The following SH3PXD2B variants were observed in gnomAD, a reference collection of about 807,000 sequenced individuals.
The protein encoded by SH3PXD2B is SH3 and PX domains 2B, also known as SH3 and PX domain-containing protein 2B.
A neutral mutation model predicts 73.1 loss-of-function variants in SH3PXD2B; 37 were observed. The ratio of observed to expected loss-of-function variants is 0.51; its 90% confidence interval spans 0.39 to 0.67. The LOEUF is 0.67. Among genes scored for constraint, SH3PXD2B ranks in the 30% least tolerant of loss-of-function variants. The pLI, the probability that SH3PXD2B is intolerant of heterozygous loss-of-function variation, is 0.00. For synonymous variants in SH3PXD2B, 457 were observed against 480.5 expected (o/e 0.95, Z 0.64); for missense variants, 1,053 against 1,197.8 (o/e 0.88, Z 1.78).
Position 172,334,544 on chromosome 5 carries a change from G to A in SH3PXD2B, c.*3825C>T, listed in dbSNP as rs1157084170. On this transcript the variant is annotated 3_prime_UTR_variant, in exon 13 of 13. Transcript: ENST00000311601. ...GATAAGACAGCCACACATGGCTCAG[G>A]CTGTTAGGTGTCCACTGTCACAGTC... The A allele has an allele frequency of 9.1e-6, 9 of 985,494 alleles. No individual in the cohort carries two copies. The highest frequency in any genetic ancestry group is 5.2e-4 in the Middle Eastern group (1 of 1,916). 61.0% of individuals were successfully genotyped at this position (985,494 alleles called of 1,614,324 possible).
At chr5:172,378,202 G>A (rs1027568301) in intron 5 of SH3PXD2B, among the ~76,000 whole-genome samples, 1 of 152,178 alleles carries the variant, frequency 6.6e-6, no homozygotes, top group Non-Finnish European at 1.5e-5. Flanking sequence ...AGCTGCCCCT[G>A]GCCTGGCCCT....
At chr5:172,380,988 T>C (rs1189811037) in intron 5 of SH3PXD2B, among the ~76,000 whole-genome samples, 2 of 152,252 alleles carry the variant, frequency 1.3e-5, no homozygotes, top group Non-Finnish European at 2.9e-5. Context: ...TAAATATAAA[T>C]GGCCTGACTT....
At chr5:172,359,387 C>CAAAAAAAAAAAA (rs70982393) in intron 7 of SH3PXD2B, among the ~76,000 whole-genome samples, 5 of 84,076 alleles carry the variant, frequency 5.9e-5, no homozygotes, top group African/African-American at 9.6e-5. Context: ...ACCCCCATCT[C>CAAAAAAAAAAAA]AAAAAAAAAA....
chr5:172,334,131 T>G lies in SH3PXD2B; in HGVS notation c.*4238A>C. 1 of 1,116,662 alleles carries G rather than the reference T, an allele frequency of 9.0e-7. No homozygotes were observed. Among genetic ancestry groups the G allele is most frequent in the Non-Finnish European group, 1.1e-6 (1 of 910,304 alleles). 69.2% of individuals were successfully genotyped at this position (1,116,662 alleles called of 1,614,324 possible). ...AGAAGGCTTACTTTGGAGTCGAGGA[T>G]AGAAACGGGAAGATGGAATGTTGAA... On this transcript the variant is annotated 3_prime_UTR_variant, in exon 13 of 13. Coordinates refer to ENST00000311601, the MANE Select transcript of SH3PXD2B (RefSeq NM_001017995.3).
chr5:172,383,839 CCTTT>C (rs34055868), intron 4 of SH3PXD2B, among the ~76,000 whole-genome samples: 9,133 of 150,116 alleles, frequency 0.061, 512 homozygotes, highest in East Asian at 0.21. Context: ...TCTTGCATTT[CCTTT>C]CTTTCTTTCT....
At chr5:172,376,687 C>T (rs745371889) in intron 5 of SH3PXD2B, among the ~76,000 whole-genome samples, 57 of 152,276 alleles carry the variant, frequency 3.7e-4, no homozygotes, top group Middle Eastern at 6.8e-3. Flanking sequence ...ACCTTCACAG[C>T]GCCCATGCAG....
At chr5:172,342,576 A>G (rs1481418503) in intron 12 of SH3PXD2B, among the ~76,000 whole-genome samples, 1 of 152,198 alleles carries the variant, frequency 6.6e-6, no homozygotes, top group African/African-American at 2.4e-5. Flanking sequence ...CCTGGCCAAC[A>G]TGGTGAAACC....
At chr5:172,400,719 T>G (rs1758405284) in intron 3 of SH3PXD2B, among the ~76,000 whole-genome samples, 1 of 152,234 alleles carries the variant, frequency 6.6e-6, no homozygotes, top group Non-Finnish European at 1.5e-5. Flanking sequence ...TTACATGCTG[T>G]TAGTAGGAAA....
chr5:172,449,161 A>G (rs919406621), intron 1 of SH3PXD2B, among the ~76,000 whole-genome samples: 2 of 152,176 alleles, frequency 1.3e-5, no homozygotes, highest in African/African-American at 4.8e-5. Flanking sequence ...GGCACCATCT[A>G]CCCAGAGCTT....
intron 3 of SH3PXD2B, among the ~76,000 whole-genome samples, chr5:172,403,926 G>C (rs1758491348): frequency 6.6e-6 from 1 of 152,200 alleles, no homozygotes; most frequent in Non-Finnish European, 1.5e-5. Flanking sequence ...TAACAGATGT[G>C]GAAACTGAGG....
intron 5 of SH3PXD2B, among the ~76,000 whole-genome samples, chr5:172,381,443 G>T (rs1488754596): frequency 6.6e-6 from 1 of 152,230 alleles, no homozygotes; most frequent in Non-Finnish European, 1.5e-5. Context: ...CGGGTAAGCA[G>T]GCGGTGCTAG....
At chr5:172,368,652 A>AAATATATATATGTTATATATATATAAC (rs1430978679) in intron 6 of SH3PXD2B, among the ~76,000 whole-genome samples, 1 of 11,660 alleles carries the variant, frequency 8.6e-5, no homozygotes, top group African/African-American at 6.3e-4. Flanking sequence ...ATATATATAA[A>AAATATATATATGTTATATATATATAAC]ATATATATAT....
intron 1 of SH3PXD2B, among the ~76,000 whole-genome samples, chr5:172,453,799 G>A (rs924044042): frequency 6.6e-6 from 1 of 152,186 alleles, no homozygotes; most frequent in Non-Finnish European, 1.5e-5. Flanking sequence ...TCTTGCCAAA[G>A]AACGGAGTCA....
chr5:172,364,510 C>CA (rs1757467219), intron 6 of SH3PXD2B, among the ~76,000 whole-genome samples: 1 of 152,044 alleles, frequency 6.6e-6, no homozygotes, highest in African/African-American at 2.4e-5. Context: ...ACTAAAAATA[C>CA]AAAAAGGAGC....
In SH3PXD2B at chr5:172,408,757, C is replaced by G. The variant is rs139475127; in HGVS notation, c.157-2405G>C. Among the ~76,000 whole-genome samples, 524 of 152,128 alleles carry G rather than the reference C, an allele frequency of 3.4e-3. 2 individuals carry two copies. Among genetic ancestry groups the G allele is most frequent in the African/African-American group, 0.011 (465 of 41,504 alleles). ...CAGGCTGGTCTCGAACTCCTAACCTCAGGTGATCTGCCTGCCTCGGCCTCT... is the reference window on the plus strand; with the variant it reads ...CAGGCTGGTCTCGAACTCCTAACCTGAGGTGATCTGCCTGCCTCGGCCTCT... On this transcript the variant is annotated intron_variant, in intron 2 of 12. Coordinates refer to ENST00000311601, the MANE Select transcript of SH3PXD2B (RefSeq NM_001017995.3).
intron 6 of SH3PXD2B, among the ~76,000 whole-genome samples, chr5:172,365,501 C>T (rs2569242): frequency 0.34 from 51,205 of 152,118 alleles, 9,041 homozygotes; most frequent in East Asian, 0.65. Context: ...TCTCCTTCCC[C>T]GAGGGCCTGG....
intron 3 of SH3PXD2B, among the ~76,000 whole-genome samples, chr5:172,402,351 T>C (rs527751355): frequency 1.2e-4 from 18 of 152,352 alleles, no homozygotes; most frequent in African/African-American, 3.6e-4. Context: ...GAAACTTCAT[T>C]AGCAATTTAA....
intron 2 of SH3PXD2B, among the ~76,000 whole-genome samples, chr5:172,411,862 G>C (rs1170300670): frequency 6.6e-6 from 1 of 151,898 alleles, no homozygotes; most frequent in Non-Finnish European, 1.5e-5. Context: ...CCACACTTGG[G>C]TGTACAGTTC....
chr5:172,415,634 T>C (rs1758802593), intron 2 of SH3PXD2B, among the ~76,000 whole-genome samples: 2 of 152,312 alleles, frequency 1.3e-5, no homozygotes, highest in South Asian at 4.1e-4. Context: ...CACATTCCAG[T>C]TAGTGACTGC....
Sources: gnomAD v4.1 joint callset for allele counts (sites outside exome capture counted in the v4.1 genomes callset) on GRCh38, gnomAD v4.1.1 for gene constraint, MANE v1.5 for transcripts, NCBI Gene and HGNC (gene_info 2026-07-23, HGNC 2026-07-21) for gene names.